Variants in CCDC40 observed in about 807,000 individuals in gnomAD.
CCDC40 encodes coiled-coil domain 40 molecular ruler complex subunit.
CCDC40 carries 104 observed loss-of-function variants against 124.5 expected under a neutral mutation model. The ratio of observed to expected loss-of-function variants is 0.84; its 90% CI spans 0.71 to 0.98. The LOEUF (loss-of-function observed/expected upper bound fraction) is 0.98. Among genes scored for constraint, CCDC40 ranks in the 50% least tolerant of loss-of-function variants. The pLI is 0.00. For missense variants in CCDC40, 1,463 were observed against 1,503.9 expected (o/e 0.97, Z 0.45); for synonymous variants, 580 against 602.9 (o/e 0.96, Z 0.56).
rs767501166 is a variant in CCDC40, at chr17:80,089,767, C to T, written c.2715C>T (p.His905=). The part of the protein sequence containing the change: ...TLLNQLVEAE[H]QIMLWEKKIQ... ...ACTGCCTCTCCTACCTCTAAAGACA[C>T]CAGATTATGCTTTGGGAGAAAAAAA... is the stretch of plus-strand genomic sequence containing the variant. Residue 905 remains histidine, a synonymous_variant, in exon 17 of 20, where the codon CAC becomes CAT. Coordinates refer to ENST00000397545, the MANE Select transcript of CCDC40 (RefSeq NM_017950.4). The T allele has an allele frequency of 1.2e-6, 2 of 1,614,212 alleles. No homozygotes were observed. The highest frequency in any genetic ancestry group is 1.7e-6 in the Non-Finnish European group (2 of 1,180,024).
chr17:80,073,646 A>C (rs1014309184), intron 10 of CCDC40, among the ~76,000 whole-genome samples: 2 of 152,114 alleles, frequency 1.3e-5, no homozygotes, highest in African/African-American at 2.4e-5. Context: ...TTAGGCCTAC[A>C]ATGGCCACTA....
At chr17:80,097,512 C>A in intron 19 of CCDC40, 109 bp downstream of exon 19, 1 of 1,164,104 alleles carries the variant, frequency 8.6e-7, no homozygotes, top group Non-Finnish European at 1.2e-6. Context: ...GATCAGGTCA[C>A]GGCCTCTCCT....
Position 80,086,251 on chromosome 17 carries a change from T to C in CCDC40, c.2449+35T>C. ...GCCGTGCCCGGCCCTGCAGTGATGCTGAGACGAGCTCTGGGACGTGGGCAC... is the reference window on the plus strand; with the variant it reads ...GCCGTGCCCGGCCCTGCAGTGATGCCGAGACGAGCTCTGGGACGTGGGCAC... On this transcript the variant is annotated intron_variant, in intron 14 of 19. Coordinates refer to ENST00000397545, the MANE Select transcript of CCDC40 (RefSeq NM_017950.4). The surrounding 1 kb of genome is among the most constrained non-coding windows in gnomAD (Gnocchi z 5.5). 1 of 1,539,032 alleles carries C rather than the reference T, an allele frequency of 6.5e-7. No individual in the cohort carries two copies. The highest frequency in any genetic ancestry group is 8.8e-7 in the Non-Finnish European group (1 of 1,133,940).
At position 80,043,794 on chromosome 17, in the gene CCDC40, C is replaced by T. The variant is rs555720779; in HGVS notation, c.553-3485C>T. Reference sequence around the variant, plus strand: ...TCAACCTCCCAAAGTGCTGGGATTACAGGCATGAGCCACCACGCCCGGCCT... The same window carrying T: ...TCAACCTCCCAAAGTGCTGGGATTATAGGCATGAGCCACCACGCCCGGCCT... On this transcript the variant is annotated intron_variant, in intron 3 of 19. Transcript: ENST00000397545. Among the ~76,000 whole-genome samples, 7 of 152,166 alleles carry T rather than the reference C, an allele frequency of 4.6e-5. No homozygotes were observed. The South Asian group carries it at 1.5e-3, about 32-fold the overall frequency.
intron 7 of CCDC40, among the ~76,000 whole-genome samples, chr17:80,051,790 G>C (rs913142123): frequency 6.6e-6 from 1 of 152,214 alleles, no homozygotes; most frequent in Non-Finnish European, 1.5e-5. Context: ...AGGAGGACGC[G>C]TGCCCCTAAC....
intron 10 of CCDC40, chr17:80,067,890 GT>G: frequency 1.5e-6 from 2 of 1,366,694 alleles, no homozygotes; most frequent in Middle Eastern, 2.8e-4. Context: ...TTTATAAAAC[GT>G]GCATGCGCAG....
At chr17:80,081,380 G>C (rs1446999309) in intron 10 of CCDC40, 166 bp from the exon 11 acceptor site, 1 of 161,056 alleles carries the variant, frequency 6.2e-6, no homozygotes, top group African/African-American at 1.4e-4. Flanking sequence ...GTGAGACTCT[G>C]TCTCAAAAAA....
chr17:80,060,401 AAAT>A (rs2037867652), intron 9 of CCDC40, among the ~76,000 whole-genome samples: 3 of 152,000 alleles, frequency 2.0e-5, no homozygotes, highest in African/African-American at 7.3e-5. Context: ...AATTAAAAAA[AAAT>A]AAAACATTAG....
At chr17:80,045,212 C>T (rs960327181) in intron 3 of CCDC40, among the ~76,000 whole-genome samples, 1 of 152,220 alleles carries the variant, frequency 6.6e-6, no homozygotes, top group Non-Finnish European at 1.5e-5. Flanking sequence ...CTTCAGCCTC[C>T]ATGTGGCTGC....
chr17:80,042,056 A>C (rs1163368752), intron 3 of CCDC40, among the ~76,000 whole-genome samples: 1 of 152,114 alleles, frequency 6.6e-6, no homozygotes, highest in Non-Finnish European at 1.5e-5. Context: ...GTTATTGAGG[A>C]CTTCTTATAT....
chr17:80,079,364 A>T (rs2038392450), intron 10 of CCDC40, among the ~76,000 whole-genome samples: 1 of 151,992 alleles, frequency 6.6e-6, no homozygotes, highest in South Asian at 2.1e-4. Context: ...TCGGGTGTTT[A>T]TCTCTCCACT....
At chr17:80,083,654 G>A (rs1447446044) in intron 12 of CCDC40, among the ~76,000 whole-genome samples, 4 of 152,204 alleles carry the variant, frequency 2.6e-5, no homozygotes, top group Non-Finnish European at 5.9e-5. Flanking sequence ...CATTGCAGCT[G>A]TGACTGCCAC....
intron 13 of CCDC40, among the ~76,000 whole-genome samples, chr17:80,085,591 G>C (rs1350571791): frequency 6.6e-6 from 1 of 150,798 alleles, no homozygotes; most frequent in Non-Finnish European, 1.5e-5. Flanking sequence ...CCTTCGTCCA[G>C]TTTCATGACC....
At chr17:80,073,686 C>T (rs983656008) in intron 10 of CCDC40, among the ~76,000 whole-genome samples, 1 of 152,046 alleles carries the variant, frequency 6.6e-6, no homozygotes, top group Non-Finnish European at 1.5e-5. Flanking sequence ...GAGTCTCATG[C>T]CTCTCACTTT....
chr17:80,072,151 C>T (rs918406770), intron 10 of CCDC40, among the ~76,000 whole-genome samples: 2 of 152,108 alleles, frequency 1.3e-5, no homozygotes, highest in African/African-American at 2.4e-5. Flanking sequence ...GCATTTTGGA[C>T]TTAGGATATT....
chr17:80,042,181 T>C (rs1008689023), intron 3 of CCDC40, among the ~76,000 whole-genome samples: 3 of 152,132 alleles, frequency 2.0e-5, no homozygotes, highest in Non-Finnish European at 4.4e-5. Context: ...TGCAGTGGCA[T>C]GATCTTGGTT....
rs568510890 is a variant in CCDC40 at position 80,065,076 on chromosome 17, C to G, written c.1441-409C>G. On this transcript the variant is annotated intron_variant, in intron 9 of 19. Coordinates refer to ENST00000397545, the MANE Select transcript of CCDC40 (RefSeq NM_017950.4). The stretch of plus-strand genomic sequence containing the variant: ...CCCCTCCTCCCTCTCCCCCTCCTCC[C>G]TCTTTCATCTCCTCCCCCTCCCTCT... 6.5e-4 allele frequency among the ~76,000 whole-genome samples: 62 copies of G among 96,004 alleles called. 1 individual carries two copies. Among genetic ancestry groups the G allele is most frequent in the Non-Finnish European group, 1.2e-3 (54 of 46,290 alleles). The allele number at this position is 96,004 out of a possible 152,430, so 63.0% of individuals were successfully genotyped here. A position where few individuals can be genotyped will look rare whatever the true frequency, so the allele number is the denominator to read the frequency against.
chr17:80,095,176 G>T, intron 17 of CCDC40, 87 bp from the exon 18 acceptor site: 1 of 1,260,580 alleles, frequency 7.9e-7, no homozygotes, highest in Non-Finnish European at 1.2e-6. Flanking sequence ...GTCACCGGAG[G>T]ATGAGCGAGG....
At chr17:80,040,690 A>AG (rs1434102904) in intron 3 of CCDC40, among the ~76,000 whole-genome samples, 12 of 151,820 alleles carry the variant, frequency 7.9e-5, no homozygotes, top group African/African-American at 2.2e-4. Context: ...AAAAAAAAAA[A>AG]AAAAAGAAAA....
Sources: allele counts gnomAD v4.1 joint callset (sites outside exome capture counted in the v4.1 genomes callset), GRCh38; gene constraint gnomAD v4.1.1; non-coding constraint Gnocchi (gnomAD v3.1); transcripts MANE v1.5; gene names NCBI Gene and HGNC (gene_info 2026-07-23, HGNC 2026-07-21).